The following LDB2 variants were observed in gnomAD, a reference collection of about 807,000 sequenced individuals.
LDB2 encodes LIM domain-binding protein 2.
In LDB2, 12 loss-of-function variants were observed where a neutral mutation model predicts 44.3. The observed-to-expected ratio is 0.27, with a 90% confidence interval of 0.17 to 0.44. The LOEUF is 0.44. LDB2 is among the 20% of genes least tolerant of loss of function. The pLI, the probability that LDB2 is intolerant of heterozygous loss-of-function variation, is 1.00. For synonymous variants in LDB2, 164 were observed against 174.8 expected (o/e 0.94, Z 0.49); for missense variants, 344 against 473.5 (o/e 0.73, Z 2.54).
At chr4:16,625,098 C>T (rs531801914) in intron 2 of LDB2, among the ~76,000 whole-genome samples, 1 of 152,202 alleles carries the variant, frequency 6.6e-6, no homozygotes, top group East Asian at 1.9e-4. Context: ...TCTTTTGCCC[C>T]ATCACCTGCT....
intron 5 of LDB2, among the ~76,000 whole-genome samples, chr4:16,515,864 A>ATTT (rs1255872162): frequency 6.6e-6 from 1 of 151,060 alleles, no homozygotes; most frequent in African/African-American, 2.4e-5. Flanking sequence ...TTATTTATTT[A>ATTT]TTTATTTATT....
At chr4:16,636,785 A>C (rs1348909371) in intron 2 of LDB2, among the ~76,000 whole-genome samples, 1 of 152,232 alleles carries the variant, frequency 6.6e-6, no homozygotes, top group African/African-American at 2.4e-5. Context: ...CAGCAAAAAC[A>C]AAAAGAACAA....
rs914272684 is a variant in LDB2, at chr4:16,773,986, C to G, written c.133-14726G>C. Among the ~76,000 whole-genome samples, 32 of 31,890 alleles carry G rather than the reference C, an allele frequency of 1.0e-3. 2 individuals are homozygous for G. The highest frequency in any genetic ancestry group is 1.6e-3 in the African/African-American group (20 of 12,772). 20.9% of individuals were successfully genotyped at this position (31,890 alleles called of 152,430 possible). ...TGGCCAACACGGTGAAACCCCATCT[C>G]TACTAAAAATACAAAAAAAATAGCT... is the stretch of plus-strand genomic sequence containing the variant. On this transcript the variant is annotated intron_variant, in intron 1 of 7. Transcript: ENST00000304523.
rs549562393 is a variant in LDB2, at chr4:16,752,971, G to C, written c.235+6187C>G. Among the ~76,000 whole-genome samples the C allele has an allele frequency of 1.7e-4, 26 of 152,270 alleles. No homozygotes were observed. In the East Asian group the frequency reaches 5.0e-3, roughly 29 times the overall value. ...GCAGGGCCAGCTGGCCATGCCTTCTGAGAAGGCTCAAGAGCTTTAAGCAGT... is the reference window on the plus strand; with the variant it reads ...GCAGGGCCAGCTGGCCATGCCTTCTCAGAAGGCTCAAGAGCTTTAAGCAGT... On this transcript the variant is annotated intron_variant, in intron 2 of 7. Coordinates refer to ENST00000304523, the MANE Select transcript of LDB2 (RefSeq NM_001290.5).
intron 2 of LDB2, among the ~76,000 whole-genome samples, chr4:16,757,058 A>C (rs1263240652): frequency 6.6e-6 from 1 of 152,196 alleles, no homozygotes; most frequent in African/African-American, 2.4e-5. Context: ...GAAGAGCTGC[A>C]GCTTCTAGCC....
chr4:16,808,586 A>C (rs1213214164), intron 1 of LDB2, among the ~76,000 whole-genome samples: 3 of 152,202 alleles, frequency 2.0e-5, no homozygotes, highest in Admixed American at 2.0e-4. Flanking sequence ...GATTCAAAGG[A>C]GAGACTTGAG....
intron 1 of LDB2, among the ~76,000 whole-genome samples, chr4:16,868,296 G>T (rs1272951689): frequency 6.6e-6 from 1 of 152,114 alleles, no homozygotes; most frequent in African/African-American, 2.4e-5. Flanking sequence ...TAGGACAAAG[G>T]TATTATTACT....
At chr4:16,800,194 C>T (rs1451956266) in intron 1 of LDB2, among the ~76,000 whole-genome samples, 1 of 152,122 alleles carries the variant, frequency 6.6e-6, no homozygotes, top group East Asian at 1.9e-4. Context: ...AAAAAAGATT[C>T]AAGGGTGTCC....
intron 5 of LDB2, among the ~76,000 whole-genome samples, chr4:16,576,082 T>C (rs1259723975): frequency 6.6e-6 from 1 of 152,138 alleles, no homozygotes; most frequent in East Asian, 1.9e-4. Context: ...AACCTATGGA[T>C]ACAACAAAAG....
chr4:16,794,133 A>C (rs1349053862), intron 1 of LDB2, among the ~76,000 whole-genome samples: 1 of 152,072 alleles, frequency 6.6e-6, no homozygotes, highest in Non-Finnish European at 1.5e-5. Context: ...GAGCTTACTA[A>C]CGACCTTAAA....
intron 2 of LDB2, among the ~76,000 whole-genome samples, chr4:16,657,033 G>A (rs1207997239): frequency 1.3e-5 from 2 of 152,154 alleles, no homozygotes; most frequent in Non-Finnish European, 2.9e-5. Flanking sequence ...ACAAAACTCA[G>A]TAGGAATGTC....
intron 1 of LDB2, among the ~76,000 whole-genome samples, chr4:16,897,429 G>A (rs561836087): frequency 1.3e-5 from 2 of 152,280 alleles, no homozygotes; most frequent in South Asian, 4.1e-4. Flanking sequence ...GGACAATCCA[G>A]CAGCAAGACC....
At chr4:16,837,486 T>C (rs1785081540) in intron 1 of LDB2, among the ~76,000 whole-genome samples, 1 of 152,198 alleles carries the variant, frequency 6.6e-6, no homozygotes, top group Admixed American at 6.5e-5. Flanking sequence ...CCTAGCTACA[T>C]AACTTGCTCT....
chr4:16,860,566 G>A (rs2108939), intron 1 of LDB2, among the ~76,000 whole-genome samples: 72,022 of 152,058 alleles, frequency 0.47, 17,498 homozygotes, highest in East Asian at 0.77. Context: ...GTGACCTCAC[G>A]TAAGTCATTC....
chr4:16,783,243 G>T (rs1332508144), intron 1 of LDB2, among the ~76,000 whole-genome samples: 2 of 152,226 alleles, frequency 1.3e-5, no homozygotes, highest in African/African-American at 2.4e-5. Flanking sequence ...GGCCGGAAGA[G>T]CTCCAAGTCA....
At chr4:16,811,348 A>G (rs1779828464) in intron 1 of LDB2, among the ~76,000 whole-genome samples, 1 of 152,222 alleles carries the variant, frequency 6.6e-6, no homozygotes, top group Admixed American at 6.5e-5. Flanking sequence ...ATATTTACTC[A>G]GTTGATGCTT....
At chr4:16,768,389 A>G (rs565976632) in intron 1 of LDB2, among the ~76,000 whole-genome samples, 16 of 152,218 alleles carry the variant, frequency 1.1e-4, no homozygotes, top group African/African-American at 3.6e-4. Flanking sequence ...GTATCTTACT[A>G]TTTTAGTCAC....
intron 1 of LDB2, among the ~76,000 whole-genome samples, chr4:16,840,493 G>C (rs1374103194): frequency 6.6e-6 from 1 of 152,164 alleles, no homozygotes; most frequent in African/African-American, 2.4e-5. Flanking sequence ...AGTGGGAAGA[G>C]GAAAAGGTGA....
At chr4:16,576,080 G>A (rs1376183877) in intron 5 of LDB2, among the ~76,000 whole-genome samples, 1 of 152,104 alleles carries the variant, frequency 6.6e-6, no homozygotes, top group Non-Finnish European at 1.5e-5. Context: ...AAAACCTATG[G>A]ATACAACAAA....
Sources: allele counts gnomAD v4.1 joint callset (sites outside exome capture counted in the v4.1 genomes callset), GRCh38; gene constraint gnomAD v4.1.1; transcripts MANE v1.5; gene names NCBI Gene and HGNC (gene_info 2026-07-23, HGNC 2026-07-21).